PSME4: variants seen among roughly 807,000 people sequenced by gnomAD.
PSME4 encodes proteasome activator complex subunit 4.
Under a neutral mutation model 253.9 loss-of-function variants are expected in PSME4, and 89 were observed. The ratio of observed to expected loss-of-function variants is 0.35; its 90% CI spans 0.30 to 0.42. The LOEUF is 0.42. Among genes scored for constraint, PSME4 ranks in the 10% least tolerant of loss-of-function variants. The pLI, the probability that PSME4 is intolerant of heterozygous loss-of-function variation, is 1.00. For missense variants in PSME4, 2,014 were observed against 2,195.2 expected, an observed-to-expected ratio of 0.92 and a Z score of 1.65; for synonymous variants, 851 against 759.2, an observed-to-expected ratio of 1.12 and a Z score of -1.99.
At chr2:53,910,694 CA>C (rs1388186580) in intron 20 of PSME4, among the ~76,000 whole-genome samples, 57 of 152,314 alleles carry the variant, frequency 3.7e-4, no homozygotes, top group African/African-American at 1.4e-3. Context: ...CCCTGCTCCA[CA>C]AGGCTACCAC....
At chr2:53,921,492 G>A (rs531065968) in intron 17 of PSME4, among the ~76,000 whole-genome samples, 7 of 150,630 alleles carry the variant, frequency 4.6e-5, no homozygotes, top group South Asian at 2.1e-4. Context: ...TGATCCGCCC[G>A]CCTCGGCCTC....
intron 1 of PSME4, among the ~76,000 whole-genome samples, chr2:53,967,649 CAAAAAAAAAAAAAAAAA>C (rs71408747): frequency 1.1e-3 from 23 of 21,560 alleles, no homozygotes; most frequent in East Asian, 8.3e-3. Flanking sequence ...GAGATTGTCT[CAAAAAAAAAAAAAAAAA>C]AAAAAAAAAA....
At chr2:53,880,453 C>G (rs1679331005) in intron 41 of PSME4, among the ~76,000 whole-genome samples, 2 of 152,134 alleles carry the variant, frequency 1.3e-5, no homozygotes, top group Admixed American at 6.6e-5. Context: ...AGATACATCT[C>G]TTTTGCCCAG....
intron 44 of PSME4, among the ~76,000 whole-genome samples, chr2:53,868,835 T>C (rs1461596452): frequency 6.6e-6 from 1 of 151,838 alleles, no homozygotes; most frequent in African/African-American, 2.4e-5. Flanking sequence ...ATCTTTGTAA[T>C]CACATTTACA....
rs753380665 is a variant in PSME4, at chr2:53,923,424, T to A, written c.1810-5A>T. 2.1e-5 allele frequency: 33 copies of A among 1,586,806 alleles called. No individual in the cohort carries two copies. Among genetic ancestry groups the A allele is most frequent in the Middle Eastern group, 1.7e-4 (1 of 5,978 alleles). ...AAAAACCTTCTGAAGGGCCACCTGT[T>A]AAGATATGAAAATGTTTAATGAGCA... On this transcript the variant is annotated splice_region_variant and splice_polypyrimidine_tract_variant and intron_variant, in intron 14 of 46. Coordinates refer to ENST00000404125, the MANE Select transcript of PSME4 (RefSeq NM_014614.3).
intron 14 of PSME4, 33 bp downstream of exon 14, chr2:53,925,506 C>A (rs200138956): frequency 2.7e-6 from 4 of 1,471,828 alleles, no homozygotes; most frequent in South Asian, 1.5e-5. Flanking sequence ...AACTTAAAAG[C>A]TGGAAGTTTA....
At chr2:53,898,798 A>T (rs1228281435) in intron 29 of PSME4, among the ~76,000 whole-genome samples, 1 of 152,184 alleles carries the variant, frequency 6.6e-6, no homozygotes, top group Non-Finnish European at 1.5e-5. Context: ...TCAAGTTAGG[A>T]AGACTCTTGC....
At chr2:53,873,390 A>G (rs544214762) in intron 43 of PSME4, among the ~76,000 whole-genome samples, 17 of 151,848 alleles carry the variant, frequency 1.1e-4, no homozygotes, top group Non-Finnish European at 2.4e-4. Flanking sequence ...AGTAAAATCT[A>G]TTTTCAATAC....
chr2:53,946,842 A>G, intron 3 of PSME4, among the ~76,000 whole-genome samples: 1 of 151,902 alleles, frequency 6.6e-6, no homozygotes, highest in East Asian at 1.9e-4. Flanking sequence ...TGAGCCCAGG[A>G]GGTCAAGGCT....
At chr2:53,970,206 G>T (rs1012887792) in intron 1 of PSME4, among the ~76,000 whole-genome samples, 13 of 152,150 alleles carry the variant, frequency 8.5e-5, no homozygotes, top group African/African-American at 3.1e-4. Context: ...GTCCACGGAG[G>T]ACCCTTGAGA....
chr2:53,900,104 A>G (rs188860931), intron 28 of PSME4, 87 bp from the exon 29 acceptor site: 10 of 1,233,796 alleles, frequency 8.1e-6, no homozygotes, highest in Non-Finnish European at 1.1e-5. Flanking sequence ...GCTAAGTGAA[A>G]GAGGCCAGAC....
At chr2:53,949,013 GT>G (rs1243351624) in intron 2 of PSME4, 129 bp downstream of exon 2, 1 of 1,236,700 alleles carries the variant, frequency 8.1e-7, no homozygotes, top group Non-Finnish European at 1.1e-6. Context: ...TTAAGATAAT[GT>G]TTTTTGCAAT....
At chr2:53,936,653 A>C in intron 6 of PSME4, 111 bp downstream of exon 6, 1 of 730,798 alleles carries the variant, frequency 1.4e-6, no homozygotes, top group East Asian at 2.9e-5. Context: ...AGGAACTTCA[A>C]GTTACTTACC....
At chr2:53,890,284 G>A in intron 36 of PSME4, 76 bp from the exon 37 acceptor site, 1 of 991,056 alleles carries the variant, frequency 1.0e-6, no homozygotes, top group East Asian at 2.4e-5. Context: ...TCTTTACCTG[G>A]AAATGTACAC....
intron 21 of PSME4, among the ~76,000 whole-genome samples, chr2:53,909,192 G>C (rs1346004006): frequency 6.6e-6 from 1 of 152,104 alleles, no homozygotes; most frequent in African/African-American, 2.4e-5. Context: ...TCACTAATTA[G>C]AGATTAAAAT....
chr2:53,964,710 CG>C (rs1558434431), intron 1 of PSME4, among the ~76,000 whole-genome samples: 1 of 152,190 alleles, frequency 6.6e-6, no homozygotes, highest in African/African-American at 2.4e-5. Context: ...TTTCCCAACA[CG>C]GGGATGATAT....
At chr2:53,935,198 C>T (rs1669045438) in intron 7 of PSME4, among the ~76,000 whole-genome samples, 1 of 152,006 alleles carries the variant, frequency 6.6e-6, no homozygotes, top group Admixed American at 6.6e-5. Flanking sequence ...TTGATTTTTC[C>T]CTAAGAATTT....
chr2:53,947,500 T>G (rs1015487087), intron 3 of PSME4, among the ~76,000 whole-genome samples: 1 of 150,568 alleles, frequency 6.6e-6, no homozygotes, highest in Non-Finnish European at 1.5e-5. Context: ...GGTCAGGAGA[T>G]AGAGACCATC....
rs749048784 is a variant in PSME4 at position 53,888,831 on chromosome 2, G to C, written c.4297-19C>G. 1.9e-6 allele frequency: 3 copies of C among 1,556,334 alleles called. No individual in the cohort carries two copies. In the Admixed American group the frequency reaches 5.0e-5, roughly 26 times the overall value. Reference sequence around the variant, plus strand: ...TGCTTTCCTGTGTTTAAAATATGATGTAACAGTTCAACAGAGAACCTACAA... The same window carrying C: ...TGCTTTCCTGTGTTTAAAATATGATCTAACAGTTCAACAGAGAACCTACAA... On this transcript the variant is annotated intron_variant, in intron 37 of 46. Coordinates refer to ENST00000404125, the MANE Select transcript of PSME4 (RefSeq NM_014614.3).
Sources: allele counts gnomAD v4.1 joint callset (sites outside exome capture counted in the v4.1 genomes callset), GRCh38; gene constraint gnomAD v4.1.1; transcripts MANE v1.5; gene names NCBI Gene and HGNC (gene_info 2026-07-23, HGNC 2026-07-21).